TRIP12: variants seen among roughly 807,000 people sequenced by gnomAD.
The protein encoded by TRIP12 is thyroid hormone receptor interactor 12, also known as E3 ubiquitin-protein ligase TRIP12.
In TRIP12, 25 loss-of-function variants were observed where a neutral mutation model predicts 244.2. The ratio of observed to expected loss-of-function variants is 0.10; its 90% CI spans 0.07 to 0.14. TRIP12 has a LOEUF of 0.14. TRIP12 is among the 10% of genes least tolerant of loss of function. TRIP12 has a pLI of 1.00. For missense variants in TRIP12, 1,677 were observed against 2,486.4 expected (o/e 0.67, Z 6.92); for synonymous variants, 905 against 873.1 (o/e 1.04, Z -0.64).
At chr2:229,885,278 T>C (rs1293217280) in intron 1 of TRIP12, among the ~76,000 whole-genome samples, 1 of 152,200 alleles carries the variant, frequency 6.6e-6, no homozygotes, top group Non-Finnish European at 1.5e-5. Context: ...CCAAAAAGGC[T>C]TGGTTTAGCT....
intron 34 of TRIP12, 42 bp from the exon 35 acceptor site, chr2:229,779,032 T>C (rs1314093162): frequency 3.2e-5 from 50 of 1,553,330 alleles, no homozygotes; most frequent in Non-Finnish European, 4.3e-5. Flanking sequence ...ATTTTAAGAA[T>C]TGTGTTTTTT....
intron 9 of TRIP12, among the ~76,000 whole-genome samples, chr2:229,815,812 A>G (rs2048359390): frequency 6.6e-6 from 1 of 152,230 alleles, no homozygotes; most frequent in Non-Finnish European, 1.5e-5. Flanking sequence ...ACAGTAATAT[A>G]GAATTTAAAC....
chr2:229,901,944 T>C (rs1486380731), intron 1 of TRIP12, among the ~76,000 whole-genome samples: 2 of 152,322 alleles, frequency 1.3e-5, no homozygotes, highest in East Asian at 1.9e-4. Context: ...AAGCAGGCTA[T>C]TCCCTCGCCC....
chr2:229,872,061 A>G (rs577715924), intron 2 of TRIP12, among the ~76,000 whole-genome samples: 3 of 149,482 alleles, frequency 2.0e-5, no homozygotes, highest in East Asian at 2.0e-4. Context: ...GGAAAATTAT[A>G]GAGACATTAA....
Position 229,791,703 on chromosome 2 carries a change from T to A in TRIP12, c.4415+163A>T. 8.7e-6 allele frequency: 6 copies of A among 689,238 alleles called. No individual in the cohort carries two copies. In the South Asian group the frequency reaches 1.1e-4, roughly 13 times the overall value. 42.7% of individuals were successfully genotyped at this position (689,238 alleles called of 1,614,324 possible). ...AATGAATGAGGAGGCTACATATACA[T>A]ATGCACCTTATCAAATATTTGAAAT... On this transcript the variant is annotated intron_variant, in intron 29 of 41. Transcript: ENST00000675903.
chr2:229,769,294 T>C lies in TRIP12; in HGVS notation c.5840A>G (p.Asp1947Gly). 2 of 1,614,036 alleles carry C rather than the reference T, an allele frequency of 1.2e-6. No individual in the cohort carries two copies. Among genetic ancestry groups the C allele is most frequent in the South Asian group, 1.1e-5 (1 of 91,080 alleles). Residue 1947 changes from aspartate to glycine, a missense_variant, in exon 40 of 42, where the codon GAC becomes GGC. Transcript: ENST00000675903. Reference protein sequence around the residue: ...LDQLLCGSKADTWDAKTLMEC... With the variant: ...LDQLLCGSKAGTWDAKTLMEC... ...CATCAGTGTCTTTGCATCCCAAGTG[T>C]CTGCTTTACTGCCACAAAGGAGCTG...
intron 1 of TRIP12, among the ~76,000 whole-genome samples, chr2:229,895,672 CAT>C (rs2068610389): frequency 6.6e-6 from 1 of 150,616 alleles, no homozygotes. Context: ...GTGAGAAATT[CAT>C]ATATAAGTTT....
intron 26 of TRIP12, chr2:229,794,934 A>G (rs2042441789): frequency 3.3e-6 from 1 of 305,608 alleles, no homozygotes; most frequent in Non-Finnish European, 5.9e-6. Context: ...AACTAAGCCT[A>G]TTACAAGTTA....
At chr2:229,831,248 G>A (rs978704465) in intron 6 of TRIP12, 3 of 660,980 alleles carry the variant, frequency 4.5e-6, no homozygotes, top group Admixed American at 5.1e-5. Flanking sequence ...ACATTTGGGG[G>A]AAATGTTGTA....
In TRIP12 at chr2:229,886,091, C is replaced by A. The variant is rs2154358272; in HGVS notation, c.-49-5963G>T. On this transcript the variant is annotated intron_variant, in intron 1 of 41. Transcript: ENST00000675903. ...GGGGAAAAAGAACAAAAACTTTCTA[C>A]AAAACCACTGGGACAGTTTATTATT... Among the ~76,000 whole-genome samples the A allele has an allele frequency of 2.6e-5, 4 of 152,198 alleles. No homozygotes were observed. The South Asian group carries it at 8.3e-4, about 32-fold the overall frequency.
At chr2:229,836,728 G>A in intron 6 of TRIP12, 120 bp downstream of exon 6, 1 of 1,245,172 alleles carries the variant, frequency 8.0e-7, no homozygotes, top group Non-Finnish European at 1.1e-6. Flanking sequence ...AACTGGTAAA[G>A]TAAAACAAAA....
chr2:229,915,205 A>G (rs2075146070), intron 1 of TRIP12, among the ~76,000 whole-genome samples: 1 of 152,114 alleles, frequency 6.6e-6, no homozygotes, highest in African/African-American at 2.4e-5. Flanking sequence ...GTGAGCCAAG[A>G]TTGCGCCACT....
rs918940324 is a variant in TRIP12, at chr2:229,765,959, A to G, written c.*1595T>C. 6.6e-6 allele frequency: 1 copy of G among 152,162 alleles called. No homozygotes were observed. The highest frequency in any genetic ancestry group is 1.9e-4 in the East Asian group (1 of 5,190). The allele number at this position is 152,162 out of a possible 1,614,324, so 9.4% of individuals were successfully genotyped here. A position where few individuals can be genotyped will look rare whatever the true frequency, so the allele number is the denominator to read the frequency against. On this transcript the variant is annotated 3_prime_UTR_variant, in exon 42 of 42. Coordinates refer to ENST00000675903, the MANE Select transcript of TRIP12 (RefSeq NM_001348323.3). ...AACTCTCAGGAGGGGACATTTCCAT[A>G]TAAGGCCATTTAAGTGTAAATTGAC... is the stretch of plus-strand genomic sequence containing the variant.
At chr2:229,913,004 C>T (rs759537569) in intron 1 of TRIP12, among the ~76,000 whole-genome samples, 1 of 152,112 alleles carries the variant, frequency 6.6e-6, no homozygotes, top group Admixed American at 6.6e-5. Context: ...GCATGCACCA[C>T]CACATCAGGC....
At chr2:229,800,975 G>C (rs1178733710) in intron 21 of TRIP12, among the ~76,000 whole-genome samples, 3 of 152,198 alleles carry the variant, frequency 2.0e-5, no homozygotes, top group African/African-American at 7.2e-5. Flanking sequence ...TACTGCAATT[G>C]TCTGAACTGT....
intron 1 of TRIP12, among the ~76,000 whole-genome samples, chr2:229,915,306 A>G (rs189010103): frequency 6.6e-6 from 1 of 152,344 alleles, no homozygotes; most frequent in Admixed American, 6.5e-5. Flanking sequence ...TTACATGCAC[A>G]TAATGGTCAA....
chr2:229,882,625 A>C (rs1357062884), intron 1 of TRIP12, among the ~76,000 whole-genome samples: 4 of 152,210 alleles, frequency 2.6e-5, no homozygotes, highest in Non-Finnish European at 5.9e-5. Context: ...CCAAACAGCA[A>C]GGACAGATAC....
At chr2:229,787,987 G>C (rs908449765) in intron 32 of TRIP12, among the ~76,000 whole-genome samples, 6 of 152,100 alleles carry the variant, frequency 3.9e-5, no homozygotes, top group African/African-American at 7.2e-5. Flanking sequence ...ATTTTTAGTA[G>C]AGACGGGGTT....
At chr2:229,786,222 A>G (rs1420862443) in intron 33 of TRIP12, among the ~76,000 whole-genome samples, 1 of 152,156 alleles carries the variant, frequency 6.6e-6, no homozygotes, top group East Asian at 1.9e-4. Context: ...AGAAATAGAT[A>G]TGGAGGTGAC....
Sources: gnomAD v4.1 joint callset for allele counts (sites outside exome capture counted in the v4.1 genomes callset) on GRCh38, gnomAD v4.1.1 for gene constraint, MANE v1.5 for transcripts, NCBI Gene and HGNC (gene_info 2026-07-23, HGNC 2026-07-21) for gene names.